CRISP2: variants seen among roughly 807,000 people sequenced by gnomAD.
CRISP2 encodes the protein cysteine rich secretory protein 2.
CRISP2 carries 29 observed loss-of-function variants against 31.7 expected under a neutral mutation model. The ratio of observed to expected loss-of-function variants is 0.92; its 90% CI spans 0.68 to 1.25. CRISP2 has a LOEUF of 1.25. Among genes scored for constraint, CRISP2 ranks in the 50% most tolerant of loss-of-function variants. The probability of loss-of-function intolerance (pLI) is 0.00; values close to 1 mark genes in which losing one functional copy is unlikely to be tolerated. For synonymous variants in CRISP2, 111 were observed against 101.4 expected (o/e 1.09, Z -0.57); for missense variants, 318 against 286.5 (o/e 1.11, Z -0.79).
rs199925498 is a variant in CRISP2 at position 49,699,843 on chromosome 6, A to T, written c.232T>A (p.Cys78Ser). 1.1e-4 allele frequency: 170 copies of T among 1,612,570 alleles called. No homozygotes were observed. Among genetic ancestry groups the T allele is most frequent in the Non-Finnish European group, 3.5e-5 (41 of 1,179,156 alleles). Residue 78 changes from cysteine to serine, a missense_variant, in exon 6 of 10, where the codon TGC (cysteine) becomes AGC (serine). By Grantham distance (112) the Cys-to-Ser change is moderately radical. Transcript: ENST00000339139. Reference protein sequence around the residue: ...TTNAQRWANKCTLQHSDPEDR... With the variant: ...TTNAQRWANKSTLQHSDPEDR... ...TCTGGATCACTATGTTGTAAAGTGC[A>T]CTTGTTTGCCCACCTTTGGGCATTC... is the stretch of plus-strand genomic sequence containing the variant.
At chr6:49,700,613 G>T in intron 5 of CRISP2, 55 bp downstream of exon 5, 1 of 1,063,028 alleles carries the variant, frequency 9.4e-7, no homozygotes, top group Non-Finnish European at 1.5e-6. Context: ...GTGGCCAGCC[G>T]TCGGCTCCTT....
chr6:49,701,854 A>T (rs1162338759), intron 4 of CRISP2, among the ~76,000 whole-genome samples: 4 of 60,928 alleles, frequency 6.6e-5, no homozygotes, highest in South Asian at 3.7e-4. Context: ...ATATTATATA[A>T]TATATATTAT....
At chr6:49,693,242 A>T (rs1335445477) in intron 9 of CRISP2, among the ~76,000 whole-genome samples, 1 of 152,170 alleles carries the variant, frequency 6.6e-6, no homozygotes, top group African/African-American at 2.4e-5. Flanking sequence ...ATGTAATTAA[A>T]TCTTTCTATG....
intron 3 of CRISP2, 106 bp from the exon 4 acceptor site, chr6:49,709,311 T>A: frequency 1.1e-6 from 1 of 939,574 alleles, no homozygotes; most frequent in African/African-American, 1.7e-5. Flanking sequence ...GGAACTGTGA[T>A]TCCCAGATTC....
intron 4 of CRISP2, 116 bp downstream of exon 4, chr6:49,709,015 G>T: frequency 1.2e-6 from 1 of 827,712 alleles, no homozygotes; most frequent in Non-Finnish European, 2.0e-6. Context: ...TGAGAACTCT[G>T]AACCAGTGGA....
rs931016819 is a variant in CRISP2 at position 49,697,966 on chromosome 6, T to A, written c.418-9A>T. On this transcript the variant is annotated splice_polypyrimidine_tract_variant and intron_variant, in intron 7 of 9. Coordinates refer to ENST00000339139, the MANE Select transcript of CRISP2 (RefSeq NM_003296.4). ...GTCGAGTACCAAACAAGCTGCAAAT[T>A]AACAATGGAATAAATATATAAAAGT... is the stretch of plus-strand genomic sequence containing the variant. The A allele has an allele frequency of 6.4e-7, 1 of 1,567,728 alleles. No individual in the cohort carries two copies. The highest frequency in any genetic ancestry group is 1.4e-5 in the African/African-American group (1 of 72,688).
chr6:49,714,090 A>G (rs1768451840), upstream of CRISP2, among the ~76,000 whole-genome samples: 1 of 152,168 alleles, frequency 6.6e-6, no homozygotes, highest in Admixed American at 6.5e-5. Flanking sequence ...CTCTTATGAA[A>G]ATACGCAGAA....
intron 3 of CRISP2, 76 bp downstream of exon 3, chr6:49,711,209 T>C (rs1767952556): frequency 6.6e-6 from 1 of 152,152 alleles, no homozygotes; most frequent in South Asian, 2.1e-4. Flanking sequence ...AACTCATTAA[T>C]CATTTTACCC....
chr6:49,698,325 C>T (rs775106882), intron 7 of CRISP2, 37 bp downstream of exon 7: 2 of 1,607,076 alleles, frequency 1.2e-6, no homozygotes, highest in South Asian at 1.1e-5. Flanking sequence ...TCTATTAGAA[C>T]ATCTGTGACA....
the CRISP2 span, among the ~76,000 whole-genome samples, chr6:49,686,676 C>T: frequency 3.9e-5 from 6 of 152,230 alleles, no homozygotes; most frequent in Non-Finnish European, 7.4e-5. Flanking sequence ...CTAGAAATAC[C>T]ATTTGACCCA....
the CRISP2 span, among the ~76,000 whole-genome samples, chr6:49,681,351 G>GT: frequency 1.3e-5 from 2 of 151,932 alleles, no homozygotes; most frequent in Non-Finnish European, 2.9e-5. Flanking sequence ...CCACTGGTCT[G>GT]TTTATCTGTT....
At chr6:49,683,425 A>G in the CRISP2 span, among the ~76,000 whole-genome samples, 1 of 150,956 alleles carries the variant, frequency 6.6e-6, no homozygotes, top group African/African-American at 2.4e-5. Flanking sequence ...CTGTAATCCC[A>G]GCACTTTGGG....
intron 8 of CRISP2, among the ~76,000 whole-genome samples, chr6:49,696,210 T>A (rs551465922): frequency 4.0e-5 from 6 of 150,570 alleles, no homozygotes; most frequent in Admixed American, 4.0e-4. Context: ...ACTATCTTTA[T>A]CTCCCATTAT....
chr6:49,700,236 A>G (rs553934391), intron 5 of CRISP2, among the ~76,000 whole-genome samples: 1 of 152,240 alleles, frequency 6.6e-6, no homozygotes, highest in South Asian at 2.1e-4. Flanking sequence ...GGCCAACGTT[A>G]TTTCCAATTC....
At chr6:49,696,507 G>A (rs2127392746) in intron 8 of CRISP2, among the ~76,000 whole-genome samples, 1 of 150,886 alleles carries the variant, frequency 6.6e-6, no homozygotes, top group East Asian at 2.0e-4. Context: ...GAAGGTTTGT[G>A]AGCTTCTAGA....
At chr6:49,696,964 G>A (rs1415903837) in intron 8 of CRISP2, among the ~76,000 whole-genome samples, 2 of 152,098 alleles carry the variant, frequency 1.3e-5, no homozygotes, top group Non-Finnish European at 1.5e-5. Context: ...AGTGAGTTTG[G>A]ATACATTCTC....
intron 4 of CRISP2, among the ~76,000 whole-genome samples, chr6:49,702,627 T>C (rs113251096): frequency 6.6e-6 from 1 of 152,034 alleles, no homozygotes; most frequent in Non-Finnish European, 1.5e-5. Context: ...TGTCTACTCA[T>C]GCCCTTAGCC....
chr6:49,704,552 ACT>A (rs1184810194), intron 4 of CRISP2, among the ~76,000 whole-genome samples: 1 of 151,476 alleles, frequency 6.6e-6, no homozygotes, highest in African/African-American at 2.4e-5. Context: ...TTGATGTGGT[ACT>A]CTCCCCCTTC....
At chr6:49,695,752 G>A (rs2248263) in intron 9 of CRISP2, 84 bp downstream of exon 9, 291,459 of 1,090,424 alleles carry the variant, frequency 0.27, 40,359 homozygotes, top group East Asian at 0.45. Flanking sequence ...AATTCATTAC[G>A]TTAGGAGATT....
Sources: allele counts gnomAD v4.1 joint callset (sites outside exome capture counted in the v4.1 genomes callset), GRCh38; gene constraint gnomAD v4.1.1; transcripts MANE v1.5; gene names NCBI Gene and HGNC (gene_info 2026-07-23, HGNC 2026-07-21).